Variants in TEAD1 observed in about 807,000 individuals in gnomAD.
TEAD1 encodes TEA domain transcription factor 1.
In TEAD1, 9 loss-of-function variants were observed where a neutral mutation model predicts 54.9. That is an observed-to-expected ratio of 0.16 (90% CI 0.10 to 0.29). The LOEUF is 0.29. Among genes scored for constraint, TEAD1 ranks in the 10% least tolerant of loss-of-function variants. TEAD1 has a pLI of 1.00. For missense variants in TEAD1, 387 were observed against 535.9 expected, an observed-to-expected ratio of 0.72 and a Z score of 2.74; for synonymous variants, 200 against 187.8, an observed-to-expected ratio of 1.07 and a Z score of -0.53.
chr11:12,836,496 A>C (rs1946895457), intron 3 of TEAD1, among the ~76,000 whole-genome samples: 1 of 152,070 alleles, frequency 6.6e-6, no homozygotes, highest in Non-Finnish European at 1.5e-5. Context: ...GGATGAGTTC[A>C]ACTAGACTGC....
At chr11:12,687,070 G>A (rs1401380043) in intron 2 of TEAD1, among the ~76,000 whole-genome samples, 2 of 152,210 alleles carry the variant, frequency 1.3e-5, no homozygotes, top group Admixed American at 1.3e-4. Context: ...TCGTGTGGAA[G>A]GAAGTCCTGG....
chr11:12,878,819 T>G lies in TEAD1; in HGVS notation c.331-889T>G. 2.9e-6 allele frequency: 3 copies of G among 1,045,436 alleles called. No homozygotes were observed. In the South Asian group the frequency reaches 4.3e-5, roughly 15 times the overall value. The allele number at this position is 1,045,436 out of a possible 1,614,324, so 64.8% of individuals were successfully genotyped here. ...TATACACATATATATATGTTTTTTT[T>G]TTAACCAAAGAAGAAAAAAAATCCC... is the stretch of plus-strand genomic sequence containing the variant. On this transcript the variant is annotated intron_variant, in intron 5 of 12. Coordinates refer to ENST00000527636, the MANE Select transcript of TEAD1 (RefSeq NM_021961.6).
At chr11:12,685,648 A>G (rs1349153234) in intron 2 of TEAD1, among the ~76,000 whole-genome samples, 1 of 152,246 alleles carries the variant, frequency 6.6e-6, no homozygotes, top group Non-Finnish European at 1.5e-5. Context: ...AGTATTTAAA[A>G]TGAAACTTTT....
At chr11:12,777,449 G>C (rs1329761316) in intron 3 of TEAD1, among the ~76,000 whole-genome samples, 1 of 152,170 alleles carries the variant, frequency 6.6e-6, no homozygotes, top group African/African-American at 2.4e-5. Context: ...CTGTCTCTTA[G>C]ATGAATGGTT....
At chr11:12,809,683 A>G (rs959648221) in intron 3 of TEAD1, among the ~76,000 whole-genome samples, 1 of 152,146 alleles carries the variant, frequency 6.6e-6, no homozygotes, top group Non-Finnish European at 1.5e-5. Flanking sequence ...CCTCAAGTCT[A>G]AAGGAGGGGG....
chr11:12,793,932 G>A (rs1945859977), intron 3 of TEAD1, among the ~76,000 whole-genome samples: 1 of 152,324 alleles, frequency 6.6e-6, no homozygotes, highest in Non-Finnish European at 1.5e-5. Flanking sequence ...TATGTGAAAT[G>A]CATTACTTTG....
chr11:12,843,510 GT>G (rs1322197383), intron 3 of TEAD1, among the ~76,000 whole-genome samples: 1 of 152,180 alleles, frequency 6.6e-6, no homozygotes, highest in East Asian at 1.9e-4. Context: ...CTTTGTTGTG[GT>G]TTTTTGAATT....
intron 11 of TEAD1, among the ~76,000 whole-genome samples, chr11:12,929,080 T>G (rs1161692386): frequency 6.6e-6 from 1 of 152,122 alleles, no homozygotes; most frequent in African/African-American, 2.4e-5. Flanking sequence ...TTGTTGACAT[T>G]TTCCCCTTCT....
chr11:12,736,093 A>C (rs1359439046), intron 2 of TEAD1, among the ~76,000 whole-genome samples: 1 of 152,140 alleles, frequency 6.6e-6, no homozygotes, highest in Non-Finnish European at 1.5e-5. Context: ...ACTTTTATTA[A>C]AACGTTAATA....
At chr11:12,800,918 T>C (rs1270657624) in intron 3 of TEAD1, among the ~76,000 whole-genome samples, 1 of 152,218 alleles carries the variant, frequency 6.6e-6, no homozygotes, top group Non-Finnish European at 1.5e-5. Flanking sequence ...CATCTTTGTG[T>C]TCTCAGTGTC....
At chr11:12,690,988 C>T (rs1019019136) in intron 2 of TEAD1, among the ~76,000 whole-genome samples, 3 of 152,286 alleles carry the variant, frequency 2.0e-5, no homozygotes, top group South Asian at 2.1e-4. Context: ...TGGGCTCAAG[C>T]GATCTGCTCA....
chr11:12,926,127 C>T (rs947882911), intron 11 of TEAD1, among the ~76,000 whole-genome samples: 1 of 152,192 alleles, frequency 6.6e-6, no homozygotes, highest in Admixed American at 6.5e-5. Flanking sequence ...TTTTTATTTG[C>T]AGTGGCCCCA....
chr11:12,698,148 C>T (rs1943625846), intron 2 of TEAD1, among the ~76,000 whole-genome samples: 1 of 152,036 alleles, frequency 6.6e-6, no homozygotes, highest in Admixed American at 6.5e-5. Context: ...TTAGAGTTGA[C>T]AGAGCTTTTT....
intron 7 of TEAD1, among the ~76,000 whole-genome samples, chr11:12,881,569 G>A (rs912085613): frequency 6.7e-6 from 1 of 148,484 alleles, no homozygotes; most frequent in African/African-American, 2.5e-5. Context: ...GAGAAGGAGA[G>A]CCTGAAGCAT....
intron 10 of TEAD1, among the ~76,000 whole-genome samples, chr11:12,904,185 C>A (rs1948473154): frequency 6.6e-6 from 1 of 151,954 alleles, no homozygotes; most frequent in South Asian, 2.1e-4. Context: ...GGCTTTGCTG[C>A]TAAAATTCAT....
intron 3 of TEAD1, among the ~76,000 whole-genome samples, chr11:12,860,505 A>G (rs1277900555): frequency 6.6e-6 from 1 of 152,148 alleles, no homozygotes; most frequent in Non-Finnish European, 1.5e-5. Flanking sequence ...AGTCTTCGCA[A>G]TTCTCAGACA....
At chr11:12,868,686 TA>T (rs1589942302) in intron 5 of TEAD1, among the ~76,000 whole-genome samples, 1 of 152,250 alleles carries the variant, frequency 6.6e-6, no homozygotes, top group African/African-American at 2.4e-5. Flanking sequence ...AGTGAAAGTC[TA>T]AGATTTCTAC....
chr11:12,846,295 C>T (rs971968173), intron 3 of TEAD1, among the ~76,000 whole-genome samples: 12 of 145,228 alleles, frequency 8.3e-5, no homozygotes, highest in Non-Finnish European at 1.7e-4. Flanking sequence ...AGCTTAAACA[C>T]CTGCCCAAAG....
chr11:12,857,859 C>T (rs1005941373), intron 3 of TEAD1, among the ~76,000 whole-genome samples: 1 of 152,076 alleles, frequency 6.6e-6, no homozygotes, highest in Non-Finnish European at 1.5e-5. Flanking sequence ...CCGAGGTGGG[C>T]GGATTGCTTG....
Sources: allele counts gnomAD v4.1 joint callset (sites outside exome capture counted in the v4.1 genomes callset), GRCh38; gene constraint gnomAD v4.1.1; transcripts MANE v1.5; gene names NCBI Gene and HGNC (gene_info 2026-07-23, HGNC 2026-07-21).